CCDC138: variants seen among roughly 807,000 people sequenced by gnomAD.
CCDC138 encodes coiled-coil domain-containing protein 138.
CCDC138 carries 66 observed loss-of-function variants against 82.3 expected under a neutral mutation model. The observed-to-expected ratio is 0.80, with a 90% CI of 0.66 to 0.98. CCDC138 has a LOEUF of 0.98. Among genes scored for constraint, CCDC138 ranks in the 50% least tolerant of loss-of-function variants. The pLI is 0.00. For synonymous variants in CCDC138, 297 were observed against 265.4 expected, an observed-to-expected ratio of 1.12 and a Z score of -1.16; for missense variants, 816 against 758.9, an observed-to-expected ratio of 1.08 and a Z score of -0.88.
At chr2:108,863,556 T>G (rs1693949144) in intron 13 of CCDC138, among the ~76,000 whole-genome samples, 1 of 152,090 alleles carries the variant, frequency 6.6e-6, no homozygotes, top group African/African-American at 2.4e-5. Context: ...AGACTTGGGG[T>G]TTTTTATGTA....
chr2:108,833,354 G>A (rs1449625550), intron 10 of CCDC138, among the ~76,000 whole-genome samples: 2 of 152,180 alleles, frequency 1.3e-5, no homozygotes, highest in Non-Finnish European at 2.9e-5. Flanking sequence ...CATGGGGCAT[G>A]TAAACATTCT....
intron 13 of CCDC138, among the ~76,000 whole-genome samples, chr2:108,857,590 C>T (rs1278657079): frequency 6.6e-6 from 1 of 152,104 alleles, no homozygotes; most frequent in Non-Finnish European, 1.5e-5. Flanking sequence ...CCAAAATGTC[C>T]TATATTGTCT....
chr2:108,880,941 C>T (rs999253273), downstream of CCDC138, among the ~76,000 whole-genome samples: 1 of 152,168 alleles, frequency 6.6e-6, no homozygotes, highest in African/African-American at 2.4e-5. Flanking sequence ...CTTTATAATT[C>T]ATGAGAGAAG....
intron 10 of CCDC138, among the ~76,000 whole-genome samples, chr2:108,831,475 T>G (rs1687606937): frequency 6.6e-6 from 1 of 152,140 alleles, no homozygotes; most frequent in South Asian, 2.1e-4. Context: ...AGGCTTGGTA[T>G]TTAGAGGGGA....
At chr2:108,859,353 G>C (rs1023345422) in intron 13 of CCDC138, among the ~76,000 whole-genome samples, 1 of 152,082 alleles carries the variant, frequency 6.6e-6, no homozygotes, top group Non-Finnish European at 1.5e-5. Flanking sequence ...TAGGTTGTCT[G>C]TTTACTCTGT....
chr2:108,790,803 G>A (rs1679783909), intron 3 of CCDC138, among the ~76,000 whole-genome samples: 1 of 152,196 alleles, frequency 6.6e-6, no homozygotes, highest in Non-Finnish European at 1.5e-5. Context: ...CAGGCTGTGA[G>A]TGCAGTAGCA....
chr2:108,876,128 A>G lies in CCDC138; in HGVS notation c.1873A>G (p.Met625Val), dbSNP rs1455787118. 7 of 1,606,462 alleles carry G rather than the reference A, an allele frequency of 4.4e-6. No homozygotes were observed. The highest frequency in any genetic ancestry group is 5.1e-6 in the Non-Finnish European group (6 of 1,173,340). Reference protein sequence around the residue: ...KLFELFTIHLMLQEIQRTTNP... With the variant: ...KLFELFTIHLVLQEIQRTTNP... ...CTTTGAACTTTTTACGATTCATCTG[A>G]TGCTTCAAGAAATACAAAGGACAAC... The change falls in exon 15 of 15, where the codon ATG (methionine) becomes GTG (valine). Residue 625 changes from methionine to valine, a missense_variant. Met to Val is a conservative substitution (Grantham distance 21, BLOSUM62 1). Coordinates refer to ENST00000295124, the MANE Select transcript of CCDC138 (RefSeq NM_144978.3).
At position 108,876,324 on chromosome 2, in the gene CCDC138, C is replaced by T. The variant is rs986652801; in HGVS notation, c.*71C>T. On this transcript the variant is annotated 3_prime_UTR_variant, in exon 15 of 15. Transcript: ENST00000295124. ...CATGTAGAAATTACCAAAGTAACTACAATTCTACCAAGTAAAGTTATCAGT... is the reference window on the plus strand; with the variant it reads ...CATGTAGAAATTACCAAAGTAACTATAATTCTACCAAGTAAAGTTATCAGT... The T allele has an allele frequency of 1.7e-5, 14 of 824,254 alleles. 1 individual carries two copies. The highest frequency in any genetic ancestry group is 1.0e-4 in the African/African-American group (6 of 57,872). The allele number at this position is 824,254 out of a possible 1,614,324, so 51.1% of individuals were successfully genotyped here.
chr2:108,850,708 C>T (rs1345393750), intron 12 of CCDC138, among the ~76,000 whole-genome samples: 1 of 152,180 alleles, frequency 6.6e-6, no homozygotes, highest in African/African-American at 2.4e-5. Flanking sequence ...GCCTCAACCT[C>T]CCAAAGTGCT....
chr2:108,866,907 A>G (rs1289357751), intron 13 of CCDC138, among the ~76,000 whole-genome samples: 2 of 152,064 alleles, frequency 1.3e-5, no homozygotes, highest in Non-Finnish European at 2.9e-5. Context: ...GAAATGAGTA[A>G]AATATTACCT....
chr2:108,804,523 A>T (rs1400440972), intron 6 of CCDC138, among the ~76,000 whole-genome samples: 2 of 152,238 alleles, frequency 1.3e-5, no homozygotes, highest in East Asian at 3.8e-4. Context: ...TAAATAGCTT[A>T]TCTCTTGAAG....
intron 7 of CCDC138, among the ~76,000 whole-genome samples, chr2:108,809,928 C>T (rs961408160): frequency 6.6e-6 from 1 of 152,166 alleles, no homozygotes; most frequent in Non-Finnish European, 1.5e-5. Flanking sequence ...GCCTCAGCCT[C>T]CTGAGTAGCT....
intron 13 of CCDC138, among the ~76,000 whole-genome samples, chr2:108,859,935 C>T (rs904722133): frequency 8.5e-5 from 13 of 152,188 alleles, no homozygotes; most frequent in African/African-American, 3.1e-4. Context: ...AATCCTTGAG[C>T]ATGGAATGTT....
chr2:108,859,029 G>T (rs566095344), intron 13 of CCDC138, among the ~76,000 whole-genome samples: 22 of 152,196 alleles, frequency 1.4e-4, no homozygotes, highest in Middle Eastern at 3.4e-3. Context: ...TTTCCTTTGG[G>T]TATATACCCA....
chr2:108,792,535 C>T (rs1339350175), intron 4 of CCDC138, among the ~76,000 whole-genome samples: 3 of 152,168 alleles, frequency 2.0e-5, no homozygotes, highest in African/African-American at 7.2e-5. Flanking sequence ...TTAAGAAATG[C>T]TCGGGCCAGG....
At chr2:108,808,626 T>C (rs1683253169) in intron 7 of CCDC138, among the ~76,000 whole-genome samples, 1 of 152,220 alleles carries the variant, frequency 6.6e-6, no homozygotes, top group South Asian at 2.1e-4. Context: ...TTGAGCATTT[T>C]TTCATATACC....
chr2:108,838,243 T>G (rs1235217205), intron 10 of CCDC138, among the ~76,000 whole-genome samples: 1 of 152,108 alleles, frequency 6.6e-6, no homozygotes, highest in African/African-American at 2.4e-5. Context: ...TATCTAAGAA[T>G]TGGCTGGTCC....
Position 108,812,637 on chromosome 2 carries a change from G to T in CCDC138, c.862G>T (p.Glu288Ter). 6.2e-7 allele frequency: 1 copy of T among 1,611,290 alleles called. No individual in the cohort carries two copies. Among genetic ancestry groups the T allele is most frequent in the Admixed American group, 1.7e-5 (1 of 59,988 alleles). ...LNDTLKKQLN[E>*]ASEENRKIDI... ...AACTTTTTCTACCCTTTAGTTAAAT[G>T]AAGCAAGTGAAGAAAACAGGAAGAT... Residue 288 changes from glutamate (E) to a stop codon, truncating the protein, a stop_gained, in exon 8 of 15, where the codon GAA becomes TAA. Transcript: ENST00000295124. LOFTEE classifies it high-confidence loss of function.
intron 13 of CCDC138, among the ~76,000 whole-genome samples, chr2:108,865,953 G>A (rs1574296932): frequency 6.6e-6 from 1 of 152,144 alleles, no homozygotes; most frequent in South Asian, 2.1e-4. Context: ...TTGGACATTA[G>A]ACACATAGGG....
Sources: gnomAD v4.1 joint callset for allele counts (sites outside exome capture counted in the v4.1 genomes callset) on GRCh38, gnomAD v4.1.1 for gene constraint, MANE v1.5 for transcripts, NCBI Gene and HGNC (gene_info 2026-07-23, HGNC 2026-07-21) for gene names.